SUV39H1: variants seen among roughly 807,000 people sequenced by gnomAD.
SUV39H1 encodes histone-lysine N-methyltransferase SUV39H1.
For missense variants in SUV39H1, 180 were observed against 386.3 expected (o/e 0.47, Z 4.48); for synonymous variants, 141 against 150.5 (o/e 0.94, Z 0.46).
At position 48,700,340 on chromosome X, in the gene SUV39H1, C is replaced by T. The variant is rs368779259; in HGVS notation, c.415C>T (p.Arg139Cys). The T allele has an allele frequency of 4.1e-6, 5 of 1,210,748 alleles. No individual in the cohort carries two copies. Among genetic ancestry groups the T allele is most frequent in the Non-Finnish European group, 5.6e-6 (5 of 895,316 alleles). ...RRWEQELNAK[R>C]SHLGRITVEN... ...CTGGGAGCAGGAGCTCAATGCCAAG[C>T]GCAGCCATCTGGGACGCATCACTGT... The change falls in exon 3 of 6, where the codon CGC (arginine) becomes TGC (cysteine). Residue 139 changes from arginine to cysteine, a missense_variant. Transcript: ENST00000376687.
At chrX:48,701,028 C>G (rs1227205831) in intron 3 of SUV39H1, 8 of 415,360 alleles carry the variant, frequency 1.9e-5, no homozygotes, top group Admixed American at 3.4e-5. Context: ...AAAGTGGGAG[C>G]TGAGATCCAG....
At chrX:48,706,455 C>T (rs1557010155) in intron 4 of SUV39H1, 43 bp from the exon 5 acceptor site, 1 of 1,198,158 alleles carries the variant, frequency 8.3e-7, no homozygotes, top group African/African-American at 1.7e-5. Flanking sequence ...GAGGGGCAGG[C>T]TGGAGCCCCT....
At chrX:48,697,189 A>C (rs1222813768) in intron 1 of SUV39H1, among the ~76,000 whole-genome samples, 3 of 111,080 alleles carry the variant, frequency 2.7e-5, no homozygotes, top group African/African-American at 9.8e-5. Flanking sequence ...GAGGGAAGAT[A>C]AGGGGGACAG....
At chrX:48,696,898 C>A in intron 1 of SUV39H1, 95 bp downstream of exon 1, 2 of 683,392 alleles carry the variant, frequency 2.9e-6, no homozygotes, top group South Asian at 1.1e-4. Context: ...GTCCGAGGCC[C>A]CGGCGCCGGG....
chrX:48,703,457 C>T (rs1347936006), intron 3 of SUV39H1, among the ~76,000 whole-genome samples: 6 of 111,544 alleles, frequency 5.4e-5, no homozygotes, highest in African/African-American at 2.0e-4. Flanking sequence ...GCTCCCTCCA[C>T]GGGAGCTGCC....
At chrX:48,700,030 A>G in intron 2 of SUV39H1, 61 bp from the exon 3 acceptor site, 1 of 1,031,369 alleles carries the variant, frequency 9.7e-7, no homozygotes, top group Non-Finnish European at 1.3e-6. Flanking sequence ...AAGCCCCATG[A>G]AGGCTGGCCC....
At position 48,706,766 on chromosome X, in the gene SUV39H1, G is replaced by T. The variant is rs1347617280; in HGVS notation, c.1105+139G>T. ...TTTAAGATGCTCTTCCTGACTCCCA[G>T]TCCCCCATTCGGACTACTAGACCCC... On this transcript the variant is annotated intron_variant, in intron 5 of 5. Transcript: ENST00000376687. 3.9e-6 allele frequency: 3 copies of T among 770,082 alleles called. No homozygotes were observed. The African/African-American group carries it at 6.5e-5, about 17-fold the overall frequency. The allele number at this position is 770,082 out of a possible 1,213,427, so 63.5% of individuals were successfully genotyped here.
chrX:48,699,526 C>T (rs1234020911), intron 2 of SUV39H1, among the ~76,000 whole-genome samples: 1 of 111,672 alleles, frequency 9.0e-6, no homozygotes, highest in Non-Finnish European at 1.9e-5. Flanking sequence ...CTACCCAAAC[C>T]TTCAGTACTT....
At chrX:48,703,524 A>G (rs147738833) in intron 3 of SUV39H1, among the ~76,000 whole-genome samples, 106 of 112,132 alleles carry the variant, frequency 9.5e-4, no homozygotes, top group African/African-American at 3.3e-3. Context: ...CCTGCAGAAC[A>G]TTCCCATCCT....
intron 2 of SUV39H1, among the ~76,000 whole-genome samples, chrX:48,699,825 T>TG (rs2062468339): frequency 9.0e-6 from 1 of 111,183 alleles, no homozygotes; most frequent in African/African-American, 3.3e-5. Context: ...GAGCTGATGA[T>TG]GGGGAAGACC....
intron 3 of SUV39H1, among the ~76,000 whole-genome samples, chrX:48,706,000 G>A (rs894596596): frequency 1.8e-5 from 2 of 113,046 alleles, no homozygotes; most frequent in South Asian, 3.6e-4. Context: ...AGGTGCTCGC[G>A]TGGCCCCAGT....
chrX:48,696,562 TGCC>T, upstream of SUV39H1: 3 of 350,290 alleles, frequency 8.6e-6, no homozygotes, highest in East Asian at 6.1e-5. Context: ...TCGCTCCCGC[TGCC>T]GCCGCCGCCC....
chrX:48,701,044 C>T, intron 3 of SUV39H1: 1 of 393,917 alleles, frequency 2.5e-6, no homozygotes, highest in Non-Finnish European at 4.6e-6. Flanking sequence ...TCCAGGCAGC[C>T]TTAGCATTCC....
At position 48,700,441 on chromosome X, in the gene SUV39H1, C is replaced by G. The variant is rs782783722; in HGVS notation, c.516C>G (p.Ile172Met). ...ATGAGTACCGTGTTGGTGAGGGCATCACCCTCAACCAGGTGGCTGTGGGCT... is the reference window on the plus strand; with the variant it reads ...ATGAGTACCGTGTTGGTGAGGGCATGACCCTCAACCAGGTGGCTGTGGGCT... The part of the protein sequence containing the change: ...YINEYRVGEG[I>M]TLNQVAVGCE... Residue 172 changes from isoleucine to methionine, a missense_variant, in exon 3 of 6, where the codon ATC (isoleucine) becomes ATG (methionine). Physicochemically the swap from Ile to Met is conservative, Grantham distance 10 (BLOSUM62 1). Transcript: ENST00000376687. The G allele has an allele frequency of 1.7e-6, 2 of 1,210,795 alleles. No homozygotes were observed. The highest frequency in any genetic ancestry group is 3.5e-5 in the African/African-American group (2 of 57,445).
At chrX:48,707,358 C>T in intron 5 of SUV39H1, 79 bp from the exon 6 acceptor site, 1 of 1,037,832 alleles carries the variant, frequency 9.6e-7, no homozygotes, top group Non-Finnish European at 1.3e-6. Context: ...TGCCTCCTTC[C>T]CTACCTTCCT....
In SUV39H1 at chrX:48,707,369, C is replaced by T. The variant is rs1003935273; in HGVS notation, c.1106-68C>T. 17 of 670,420 alleles carry T rather than the reference C, an allele frequency of 2.5e-5. No homozygotes were observed. The African/African-American group carries it at 3.2e-4, about 12-fold the overall frequency. 55.3% of individuals were successfully genotyped at this position (670,420 alleles called of 1,213,427 possible). On this transcript the variant is annotated intron_variant, in intron 5 of 5. Coordinates refer to ENST00000376687, the MANE Select transcript of SUV39H1 (RefSeq NM_003173.4). ...CCCCTGCCTCCTTCCCTACCTTCCT[C>T]CCTCCCTCCTTCTCCCCCTCCCTCC...
chrX:48,706,775 T>C lies in SUV39H1; in HGVS notation c.1105+148T>C. ...CTCTTCCTGACTCCCAGTCCCCCAT[T>C]CGGACTACTAGACCCCTGCCTACCC... On this transcript the variant is annotated intron_variant, in intron 5 of 5. Coordinates refer to ENST00000376687, the MANE Select transcript of SUV39H1 (RefSeq NM_003173.4). 3 of 720,879 alleles carry C rather than the reference T, an allele frequency of 4.2e-6. No homozygotes were observed. The East Asian group carries it at 1.1e-4, about 26-fold the overall frequency. The allele number at this position is 720,879 out of a possible 1,213,427, so 59.4% of individuals were successfully genotyped here. A position where few individuals can be genotyped will look rare whatever the true frequency, so the allele number is the denominator to read the frequency against.
intron 3 of SUV39H1, among the ~76,000 whole-genome samples, chrX:48,702,875 G>C (rs1016201753): frequency 2.2e-4 from 24 of 111,296 alleles, no homozygotes; most frequent in African/African-American, 7.9e-4. Flanking sequence ...CAGGCCTCCG[G>C]AAAGAGCCAA....
In SUV39H1 at chrX:48,708,570, G is replaced by A. The variant is rs952075830; in HGVS notation, c.*1000G>A. On this transcript the variant is annotated 3_prime_UTR_variant, in exon 6 of 6. Transcript: ENST00000376687. ...ATGCCAGGAAAGGGCCCATGTGGCA[G>A]AAGGCAAAGTACAGGCCAAGAATTG... 1 of 112,725 alleles carries A rather than the reference G, an allele frequency of 8.9e-6. No individual in the cohort carries two copies. Among genetic ancestry groups the A allele is most frequent in the South Asian group, 3.7e-4 (1 of 2,718 alleles). 9.3% of individuals were successfully genotyped at this position (112,725 alleles called of 1,213,427 possible). A position where few individuals can be genotyped will look rare whatever the true frequency, so the allele number is the denominator to read the frequency against.
Sources: allele counts gnomAD v4.1 joint callset (sites outside exome capture counted in the v4.1 genomes callset), GRCh38; gene constraint gnomAD v4.1.1; transcripts MANE v1.5; gene names NCBI Gene and HGNC (gene_info 2026-07-23, HGNC 2026-07-21).